RFX7: variants seen among roughly 807,000 people sequenced by gnomAD.
RFX7 encodes the protein regulatory factor X7.
Under a neutral mutation model 111.8 loss-of-function variants are expected in RFX7, and 26 were observed. The observed-to-expected ratio is 0.23, with a 90% CI of 0.17 to 0.32. The LOEUF (loss-of-function observed/expected upper bound fraction) is 0.32. RFX7 is among the 10% of genes least tolerant of loss of function. The pLI is 1.00. For missense variants in RFX7, 1,573 were observed against 1,772.9 expected (o/e 0.89, Z 2.02); for synonymous variants, 624 against 624.4 (o/e 1.00, Z 0.01).
Position 56,093,590 on chromosome 15 carries a change from AATCAGATGCAGTATTAGTGAG to A in RFX7, c.4117_4137del (p.Leu1373_Asp1379del), listed in dbSNP as rs767129857. On this transcript the variant is annotated inframe_deletion, in exon 10 of 10. Transcript: ENST00000559447. Reference sequence around the variant, plus strand: ...GAAGACAACCTGATATCGCTAGAGAAATCAGATGCAGTATTAGTGAGATCAGATGCTCCCTGACCTACCAGC... The same window carrying A: ...GAAGACAACCTGATATCGCTAGAGAAATCAGATGCTCCCTGACCTACCAGC... 1.2e-6 allele frequency: 2 copies of A among 1,613,674 alleles called. No homozygotes were observed. The highest frequency in any genetic ancestry group is 4.5e-5 in the East Asian group (2 of 44,882).
chr15:56,121,940 T>C (rs752272720), intron 5 of RFX7, among the ~76,000 whole-genome samples: 1 of 152,230 alleles, frequency 6.6e-6, no homozygotes, highest in Non-Finnish European at 1.5e-5. Context: ...TTGAATTTAT[T>C]TGAGCTCCCT....
chr15:56,203,014 T>C (rs1266000737), intron 2 of RFX7, among the ~76,000 whole-genome samples: 1 of 152,186 alleles, frequency 6.6e-6, no homozygotes, highest in Non-Finnish European at 1.5e-5. Flanking sequence ...AGTATCTCAA[T>C]ATCTGCCCTC....
At chr15:56,109,231 G>A (rs1256296769) in intron 5 of RFX7, among the ~76,000 whole-genome samples, 2 of 152,368 alleles carry the variant, frequency 1.3e-5, no homozygotes, top group East Asian at 1.9e-4. Flanking sequence ...TTTTTTGGGT[G>A]GAGACGGGGT....
At chr15:56,163,526 T>C (rs371650771) in intron 3 of RFX7, among the ~76,000 whole-genome samples, 1 of 152,198 alleles carries the variant, frequency 6.6e-6, no homozygotes, top group African/African-American at 2.4e-5. Context: ...TATCTTATAT[T>C]TTAGTAACAG....
chr15:56,158,596 T>C (rs2042682829), intron 3 of RFX7, among the ~76,000 whole-genome samples: 1 of 152,172 alleles, frequency 6.6e-6, no homozygotes, highest in Non-Finnish European at 1.5e-5. Context: ...TATTTTTTTA[T>C]GTAGCTGAAA....
In RFX7 at chr15:56,179,209, A is replaced by T; in HGVS notation, c.195+61T>A. ...ATCAATATTTACTTGAAAACTGTAT[A>T]TTTTATATCGTCATAAAAACCTTAT... On this transcript the variant is annotated intron_variant, in intron 3 of 9. Coordinates refer to ENST00000559447, the MANE Select transcript of RFX7 (RefSeq NM_022841.7). 2.5e-6 allele frequency: 2 copies of T among 791,812 alleles called. 1 individual carries two copies. Among genetic ancestry groups the T allele is most frequent in the South Asian group, 3.3e-5 (2 of 59,932 alleles). 49.0% of individuals were successfully genotyped at this position (791,812 alleles called of 1,614,324 possible).
At chr15:56,131,111 A>T (rs1021744048) in intron 5 of RFX7, among the ~76,000 whole-genome samples, 10 of 110,832 alleles carry the variant, frequency 9.0e-5, no homozygotes, top group Non-Finnish European at 1.6e-4. Context: ...AAGATAGCAT[A>T]AAAAAAAAAA....
At position 56,190,769 on chromosome 15, in the gene RFX7, C is replaced by G. The variant is rs151085610; in HGVS notation, c.162-11466G>C. On this transcript the variant is annotated intron_variant, in intron 2 of 9. Coordinates refer to ENST00000559447, the MANE Select transcript of RFX7 (RefSeq NM_022841.7). ...TTTGTGCCCCACTCTTAAACATACTCAGATGGACAGACAACTGGAAAAAAC... is the reference window on the plus strand; with the variant it reads ...TTTGTGCCCCACTCTTAAACATACTGAGATGGACAGACAACTGGAAAAAAC... Among the ~76,000 whole-genome samples the G allele has an allele frequency of 1.1e-3, 164 of 152,248 alleles. 1 individual carries two copies. Among genetic ancestry groups the G allele is most frequent in the African/African-American group, 3.8e-3 (157 of 41,532 alleles).
At chr15:56,165,820 A>G (rs954407147) in intron 3 of RFX7, among the ~76,000 whole-genome samples, 2 of 152,142 alleles carry the variant, frequency 1.3e-5, no homozygotes, top group African/African-American at 4.8e-5. Context: ...AAGATGGTAC[A>G]CTCTTCCTGG....
At chr15:56,147,890 A>C (rs1442848273) in intron 3 of RFX7, among the ~76,000 whole-genome samples, 1 of 152,232 alleles carries the variant, frequency 6.6e-6, no homozygotes, top group African/African-American at 2.4e-5. Flanking sequence ...TCTAATTTTT[A>C]ACAGAGATTT....
intron 5 of RFX7, among the ~76,000 whole-genome samples, chr15:56,108,485 C>G (rs1012999857): frequency 6.6e-6 from 1 of 151,878 alleles, no homozygotes; most frequent in Admixed American, 6.6e-5. Flanking sequence ...AAAAGGCCTT[C>G]GAAAAAATGC....
chr15:56,087,849 C>A lies in RFX7; in HGVS notation c.*5496G>T. ...CTTTATCATCTGTTAAAAAAAAAGT[C>A]CCATTTTTATTTTGATGACATTTTA... On this transcript the variant is annotated 3_prime_UTR_variant, in exon 10 of 10. Coordinates refer to ENST00000559447, the MANE Select transcript of RFX7 (RefSeq NM_022841.7). 3.5e-6 allele frequency: 1 copy of A among 286,100 alleles called. No individual in the cohort carries two copies. The highest frequency in any genetic ancestry group is 6.9e-6 in the Non-Finnish European group (1 of 144,470). The allele number at this position is 286,100 out of a possible 1,614,324, so 17.7% of individuals were successfully genotyped here.
intron 5 of RFX7, among the ~76,000 whole-genome samples, chr15:56,131,768 T>C (rs974493811): frequency 1.3e-5 from 2 of 152,166 alleles, no homozygotes; most frequent in Non-Finnish European, 2.9e-5. Context: ...ATCACTGCTA[T>C]ATGTAAAATT....
intron 3 of RFX7, among the ~76,000 whole-genome samples, chr15:56,148,163 G>T (rs776625480): frequency 1.3e-4 from 20 of 152,078 alleles, no homozygotes; most frequent in Non-Finnish European, 2.8e-4. Context: ...TTTGCAAAAA[G>T]ATATTAAAAA....
intron 5 of RFX7, among the ~76,000 whole-genome samples, chr15:56,126,039 A>G (rs2042140936): frequency 6.6e-6 from 1 of 152,132 alleles, no homozygotes; most frequent in African/African-American, 2.4e-5. Flanking sequence ...GTGTTTTCAT[A>G]GTTTTTATTT....
At chr15:56,232,041 C>T (rs553607663) in intron 2 of RFX7, among the ~76,000 whole-genome samples, 20 of 152,342 alleles carry the variant, frequency 1.3e-4, no homozygotes, top group African/African-American at 4.6e-4. Context: ...TTGCAGGATA[C>T]AGCCTCTCTT....
At chr15:56,152,180 A>T (rs1337898576) in intron 3 of RFX7, among the ~76,000 whole-genome samples, 1 of 152,210 alleles carries the variant, frequency 6.6e-6, no homozygotes, top group African/African-American at 2.4e-5. Context: ...CAGGACTTGA[A>T]CTCGGCTCTG....
At chr15:56,196,059 T>G (rs1314225341) in intron 2 of RFX7, among the ~76,000 whole-genome samples, 1 of 152,180 alleles carries the variant, frequency 6.6e-6, no homozygotes, top group East Asian at 1.9e-4. Context: ...GATTACTAGA[T>G]CATATTACAC....
chr15:56,096,591 T>G lies in RFX7; in HGVS notation c.1137A>C (p.Ser379=). 7 of 1,591,586 alleles carry G rather than the reference T, an allele frequency of 4.4e-6. No homozygotes were observed. Among genetic ancestry groups the G allele is most frequent in the Non-Finnish European group, 6.0e-6 (7 of 1,168,210 alleles). ...PVQRTRQLVT[S]PSPMSSSDGK... is the part of the protein sequence containing the mutation. ...CGTCAGAAGAACTCATTGGACTCGG[T>G]GAAGTTACCAATTGCCTAGTCCGCT... is the stretch of plus-strand genomic sequence containing the variant. The change falls in exon 10 of 10, where the codon TCA becomes TCC. Residue 379 remains serine (S), a synonymous_variant. Coordinates refer to ENST00000559447, the MANE Select transcript of RFX7 (RefSeq NM_022841.7).
Sources: allele counts gnomAD v4.1 joint callset (sites outside exome capture counted in the v4.1 genomes callset), GRCh38; gene constraint gnomAD v4.1.1; transcripts MANE v1.5; gene names NCBI Gene and HGNC (gene_info 2026-07-23, HGNC 2026-07-21).